ATP8A2: variants seen among roughly 807,000 people sequenced by gnomAD.
ATP8A2 encodes the protein ATPase phospholipid transporting 8A2, also known as phospholipid-transporting ATPase IB.
Under a neutral mutation model 165.6 loss-of-function variants are expected in ATP8A2, and 100 were observed. That is an observed-to-expected ratio of 0.60 (90% CI 0.51 to 0.71). The LOEUF (loss-of-function observed/expected upper bound fraction) is 0.71, where lower values mean the gene tolerates loss of function less well. Ranked by LOEUF, ATP8A2 falls within the 30% of genes least tolerant of loss-of-function variation. The pLI is 0.00. For missense variants in ATP8A2, 1,227 were observed against 1,479.5 expected, an observed-to-expected ratio of 0.83 and a Z score of 2.80; for synonymous variants, 543 against 548.8, an observed-to-expected ratio of 0.99 and a Z score of 0.15.
intron 24 of ATP8A2, among the ~76,000 whole-genome samples, chr13:25,624,387 T>C (rs1271905208): frequency 6.6e-6 from 1 of 152,188 alleles, no homozygotes; most frequent in Non-Finnish European, 1.5e-5. Context: ...CTCAGCTTGA[T>C]TGAGTTATAA....
intron 1 of ATP8A2, among the ~76,000 whole-genome samples, chr13:25,406,944 C>T (rs550542049): frequency 2.6e-5 from 4 of 152,338 alleles, no homozygotes; most frequent in Admixed American, 2.6e-4. Context: ...CGTCCCCTCT[C>T]CATTGGCTCC....
chr13:25,967,374 C>T (rs1381346393), intron 34 of ATP8A2, among the ~76,000 whole-genome samples: 1 of 152,150 alleles, frequency 6.6e-6, no homozygotes, highest in Non-Finnish European at 1.5e-5. Flanking sequence ...AGTGCTAATA[C>T]TCCATTATAG....
Position 25,469,009 on chromosome 13 carries a change from G to A in ATP8A2, c.109G>A (p.Ala37Thr). 1 of 1,614,048 alleles carries A rather than the reference G, an allele frequency of 6.2e-7. No homozygotes were observed. Among genetic ancestry groups the A allele is most frequent in the African/African-American group, 1.3e-5 (1 of 75,054 alleles). ...PVRSSLGYKK[A>T]EDEMSRATSV... ...TCGTTCTTCTTTGGGCTATAAGAAGGCAGAGGATGAGATGTCCCGGGCCAC... is the reference window on the plus strand; with the variant it reads ...TCGTTCTTCTTTGGGCTATAAGAAGACAGAGGATGAGATGTCCCGGGCCAC... Residue 37 changes from alanine (A) to threonine (T), a missense_variant, in exon 2 of 37, where the codon GCA becomes ACA. Physicochemically the swap from Ala to Thr is moderately conservative, Grantham distance 58 (BLOSUM62 0). Transcript: ENST00000381655.
intron 12 of ATP8A2, among the ~76,000 whole-genome samples, chr13:25,554,220 G>C (rs2038908443): frequency 6.6e-6 from 1 of 152,086 alleles, no homozygotes; most frequent in African/African-American, 2.4e-5. Context: ...TCTAATTAAG[G>C]CTGAAGAAAA....
chr13:25,992,666 A>G (rs938201441), intron 35 of ATP8A2, among the ~76,000 whole-genome samples: 1 of 133,712 alleles, frequency 7.5e-6, no homozygotes, highest in African/African-American at 2.6e-5. Flanking sequence ...TTTTTTCCTA[A>G]AAGTTGTATA....
chr13:25,934,043 A>G (rs116868959), intron 33 of ATP8A2, among the ~76,000 whole-genome samples: 2,932 of 152,296 alleles, frequency 0.019, 47 homozygotes, highest in Non-Finnish European at 0.03. Context: ...ACTCATATGC[A>G]AAGGCCTAGG....
intron 35 of ATP8A2, among the ~76,000 whole-genome samples, chr13:26,008,652 T>C (rs1332296833): frequency 6.6e-6 from 1 of 152,156 alleles, no homozygotes; most frequent in African/African-American, 2.4e-5. Context: ...TCATACTAAA[T>C]ATTGTCATGA....
chr13:25,428,057 G>C (rs74413845), intron 1 of ATP8A2, among the ~76,000 whole-genome samples: 2,042 of 152,072 alleles, frequency 0.013, 48 homozygotes, highest in African/African-American at 0.046. Context: ...GGTGATGTGC[G>C]CCTGTAGTCC....
At position 25,839,612 on chromosome 13, in the gene ATP8A2, G is replaced by A. The variant is rs771337976; in HGVS notation, c.2944G>A (p.Ala982Thr). The change falls in exon 30 of 37, where the codon GCT becomes ACT. Residue 982 changes from alanine to threonine, a missense_variant. Physicochemically the swap from Ala to Thr is moderately conservative, Grantham distance 58. Transcript: ENST00000381655. ...CATCCTCTTCTGGTTTCCCATGAAA[G>A]CTCTGGAGCATGGTAAGGGCTGTGT... ...SLILFWFPMK[A>T]LEHDTVLTSG... 6.2e-7 allele frequency: 1 copy of A among 1,613,786 alleles called. No homozygotes were observed. The highest frequency in any genetic ancestry group is 8.5e-7 in the Non-Finnish European group (1 of 1,179,702).
At chr13:25,656,072 G>A (rs1401274495) in intron 24 of ATP8A2, among the ~76,000 whole-genome samples, 2 of 152,136 alleles carry the variant, frequency 1.3e-5, no homozygotes, top group African/African-American at 2.4e-5. Flanking sequence ...GACTCCCCCT[G>A]TGTAACCTTG....
intron 1 of ATP8A2, among the ~76,000 whole-genome samples, chr13:25,435,513 A>G (rs1337789421): frequency 5.3e-5 from 8 of 152,184 alleles, no homozygotes; most frequent in East Asian, 1.9e-4. Flanking sequence ...TATCAACATA[A>G]TCTTCGTAGG....
chr13:25,547,210 G>T (rs536182548), intron 10 of ATP8A2, among the ~76,000 whole-genome samples: 42 of 151,936 alleles, frequency 2.8e-4, no homozygotes, highest in Admixed American at 1.3e-3. Context: ...TCCAGAGTCA[G>T]TGTAACCCAG....
intron 24 of ATP8A2, among the ~76,000 whole-genome samples, chr13:25,629,738 T>C (rs781476365): frequency 6.6e-6 from 1 of 152,182 alleles, no homozygotes; most frequent in African/African-American, 2.4e-5. Flanking sequence ...GCCTTTTTAC[T>C]GTGTTAGATC....
At chr13:25,665,590 G>A (rs2042136782) in intron 24 of ATP8A2, among the ~76,000 whole-genome samples, 1 of 124,818 alleles carries the variant, frequency 8.0e-6, no homozygotes, top group Non-Finnish European at 1.5e-5. Flanking sequence ...GGGACTTGTT[G>A]TGCCTGTGCC....
intron 25 of ATP8A2, among the ~76,000 whole-genome samples, chr13:25,737,243 T>G (rs919650771): frequency 2.6e-5 from 4 of 152,222 alleles, no homozygotes; most frequent in African/African-American, 9.6e-5. Context: ...GTTAAGTGAA[T>G]AGCTCAAGCC....
intron 35 of ATP8A2, among the ~76,000 whole-genome samples, chr13:25,977,717 A>G (rs1956088092): frequency 6.6e-6 from 1 of 152,186 alleles, no homozygotes; most frequent in African/African-American, 2.4e-5. Flanking sequence ...GATGTCATTT[A>G]TTATTAAGCA....
chr13:25,442,492 T>C (rs1764638), intron 1 of ATP8A2, among the ~76,000 whole-genome samples: 121,116 of 152,066 alleles, frequency 0.8, 48,415 homozygotes, highest in South Asian at 0.85. Context: ...TGGCTCGCTG[T>C]AGCCTCAAAC....
At chr13:25,679,363 T>C (rs1326972243) in intron 24 of ATP8A2, among the ~76,000 whole-genome samples, 2 of 152,140 alleles carry the variant, frequency 1.3e-5, no homozygotes, top group East Asian at 3.9e-4. Flanking sequence ...AGAAGCAGTG[T>C]TTGAGGTTTT....
chr13:25,567,496 G>C, intron 16 of ATP8A2: 1 of 426,560 alleles, frequency 2.3e-6, no homozygotes, highest in Non-Finnish European at 4.7e-6. Context: ...TTGAGAGTAG[G>C]GACAGGTGCA....
Sources: gnomAD v4.1 joint callset for allele counts (sites outside exome capture counted in the v4.1 genomes callset) on GRCh38, gnomAD v4.1.1 for gene constraint, MANE v1.5 for transcripts, NCBI Gene and HGNC (gene_info 2026-07-23, HGNC 2026-07-21) for gene names.